DRC8: variants seen among roughly 807,000 people sequenced by gnomAD.
The protein encoded by DRC8 is dynein regulatory complex subunit 8.
chr1:245,020,618 T>C, the DRC8 span, among the ~76,000 whole-genome samples: 27 of 134,068 alleles, frequency 2.0e-4, no homozygotes, highest in African/African-American at 3.6e-4. Context: ...TCTTTCTTTT[T>C]TTTTTTTTTT....
At chr1:245,041,192 G>A in the DRC8 span, among the ~76,000 whole-genome samples, 2 of 152,162 alleles carry the variant, frequency 1.3e-5, no homozygotes, top group Non-Finnish European at 2.9e-5. Flanking sequence ...CTTTGAAGGG[G>A]AAAGGATTAG....
chr1:245,094,424 A>G, the DRC8 span, among the ~76,000 whole-genome samples: 4 of 152,274 alleles, frequency 2.6e-5, no homozygotes, highest in South Asian at 8.3e-4. Context: ...GGCCACCTGT[A>G]CGGTTAGTGA....
the DRC8 span, among the ~76,000 whole-genome samples, chr1:245,118,855 C>T: frequency 1.7e-5 from 2 of 116,476 alleles, no homozygotes; most frequent in South Asian, 3.2e-4. Flanking sequence ...ATGATAACAA[C>T]AGTTGATGAA....
the DRC8 span, among the ~76,000 whole-genome samples, chr1:245,046,383 C>T: frequency 4.0e-5 from 6 of 150,966 alleles, no homozygotes; most frequent in Non-Finnish European, 7.3e-5. Flanking sequence ...GACCTGTGCT[C>T]CTTCTCGCTG....
At chr1:245,086,568 G>A in the DRC8 span, among the ~76,000 whole-genome samples, 2 of 152,326 alleles carry the variant, frequency 1.3e-5, no homozygotes, top group Admixed American at 6.5e-5. Context: ...AAGTCCCTAA[G>A]TGTCCAGGAA....
the DRC8 span, among the ~76,000 whole-genome samples, chr1:244,996,019 C>T: frequency 1.3e-5 from 2 of 152,208 alleles, no homozygotes; most frequent in Non-Finnish European, 2.9e-5. Context: ...AAATTACCCC[C>T]AAAACTTAGT....
chr1:245,116,757 T>C, the DRC8 span, among the ~76,000 whole-genome samples: 1 of 152,234 alleles, frequency 6.6e-6, no homozygotes, highest in African/African-American at 2.4e-5. Context: ...TAAAAGCTGG[T>C]CTTGTAGAAA....
chr1:245,018,958 AC>A, the DRC8 span, among the ~76,000 whole-genome samples: 1 of 151,454 alleles, frequency 6.6e-6, no homozygotes, highest in South Asian at 2.1e-4. Context: ...CCACACTCCC[AC>A]TCCTACTCTT....
the DRC8 span, among the ~76,000 whole-genome samples, chr1:245,021,587 C>T: frequency 6.6e-6 from 1 of 152,070 alleles, no homozygotes; most frequent in South Asian, 2.1e-4. Flanking sequence ...AGGTGCCCAC[C>T]ACCACGCCCA....
the DRC8 span, among the ~76,000 whole-genome samples, chr1:245,017,499 T>C: frequency 6.6e-6 from 1 of 152,236 alleles, no homozygotes; most frequent in East Asian, 1.9e-4. Flanking sequence ...TGATAAGTAC[T>C]GTTTCTTATT....
At chr1:245,095,141 G>A in the DRC8 span, among the ~76,000 whole-genome samples, 5 of 152,330 alleles carry the variant, frequency 3.3e-5, no homozygotes, top group East Asian at 1.9e-4. Context: ...GGAACAGCCC[G>A]TGCAGGGCCG....
the DRC8 span, among the ~76,000 whole-genome samples, chr1:245,080,934 A>G: frequency 1.2e-4 from 18 of 152,122 alleles, no homozygotes; most frequent in Middle Eastern, 3.4e-3. Context: ...CCAGCCTCCT[A>G]GCCGCCAATG....
the DRC8 span, among the ~76,000 whole-genome samples, chr1:245,009,182 C>T: frequency 4.6e-5 from 7 of 151,256 alleles, no homozygotes; most frequent in Admixed American, 2.0e-4. Flanking sequence ...ATTACAGGCT[C>T]GCACCACCAC....
At chr1:244,979,956 G>C in the DRC8 span, among the ~76,000 whole-genome samples, 2 of 148,146 alleles carry the variant, frequency 1.4e-5, no homozygotes, top group African/African-American at 5.0e-5. Flanking sequence ...TGTAATCCCA[G>C]CACTTTGGGA....
chr1:245,112,301 C>T, the DRC8 span, among the ~76,000 whole-genome samples: 1 of 152,138 alleles, frequency 6.6e-6, no homozygotes, highest in Admixed American at 6.5e-5. Context: ...CTTGAACTGC[C>T]GACCTCAGGC....
chr1:245,083,812 C>G, the DRC8 span: 1 of 1,388,026 alleles, frequency 7.2e-7, no homozygotes, highest in African/African-American at 1.5e-5. Context: ...ATTTACTGTT[C>G]CTGCTATTTT....
the DRC8 span, among the ~76,000 whole-genome samples, chr1:245,042,149 A>T: frequency 1.3e-5 from 2 of 152,238 alleles, no homozygotes; most frequent in Non-Finnish European, 2.9e-5. Flanking sequence ...TCTAATTCAT[A>T]GTAATCGCAA....
At chr1:245,112,630 C>G in the DRC8 span, among the ~76,000 whole-genome samples, 4 of 152,136 alleles carry the variant, frequency 2.6e-5, no homozygotes, top group African/African-American at 9.7e-5. Context: ...TGCATATAGT[C>G]CAGGGGGATT....
At chr1:245,110,763 G>A in the DRC8 span, among the ~76,000 whole-genome samples, 10 of 152,246 alleles carry the variant, frequency 6.6e-5, no homozygotes, top group Non-Finnish European at 1.5e-4. Context: ...GTAAGTCACA[G>A]TGGTCAGTGG....
Sources: gnomAD v4.1 joint callset for allele counts (sites outside exome capture counted in the v4.1 genomes callset) on GRCh38, gnomAD v4.1.1 for gene constraint, MANE v1.5 for transcripts, NCBI Gene and HGNC (gene_info 2026-07-23, HGNC 2026-07-21) for gene names.